ABCC1: variants seen among roughly 807,000 people sequenced by gnomAD.
ABCC1 encodes the protein ATP binding cassette subfamily C member 1 (ABCC1 blood group), also known as multidrug resistance-associated protein 1.
In ABCC1, 83 loss-of-function variants were observed where a neutral mutation model predicts 172.9. The ratio of observed to expected loss-of-function variants is 0.48; its 90% CI spans 0.40 to 0.58. ABCC1 has a LOEUF of 0.58. Among genes scored for constraint, ABCC1 ranks in the 20% least tolerant of loss-of-function variants. The pLI, the probability that ABCC1 is intolerant of heterozygous loss-of-function variation, is 0.00. For missense variants in ABCC1, 1,817 were observed against 2,002.7 expected (o/e 0.91, Z 1.77); for synonymous variants, 937 against 825.2 (o/e 1.14, Z -2.32).
chr16:15,964,174 C>G (rs1254724261), intron 1 of ABCC1, among the ~76,000 whole-genome samples: 1 of 152,262 alleles, frequency 6.6e-6, no homozygotes, highest in Non-Finnish European at 1.5e-5. Flanking sequence ...AATTCCTGAC[C>G]TCAAGTGATC....
At chr16:16,109,000 A>C (rs901374728) in intron 21 of ABCC1, among the ~76,000 whole-genome samples, 1 of 152,124 alleles carries the variant, frequency 6.6e-6, no homozygotes, top group African/African-American at 2.4e-5. Context: ...ACTTGGCCGC[A>C]TGACAAAGCC....
chr16:16,016,547 C>T lies in ABCC1; in HGVS notation c.541C>T (p.Leu181Phe). The part of the protein sequence containing the change: ...RDITFYVYFS[L>F]LLIQLVLSCF... ...CATCACTTTCTACGTCTACTTTTCC[C>T]TCTTACTCATTCAGCTCGTCTTGTC... Residue 181 changes from leucine (L) to phenylalanine (F), a missense_variant, in exon 5 of 31, where the codon CTC becomes TTC. Around this residue, in one of 3 missense-constraint regions of ABCC1, gnomAD observed 398 missense variants for 384.2 expected, o/e 1.04. Coordinates refer to ENST00000399410, the MANE Select transcript of ABCC1 (RefSeq NM_004996.4). 6.2e-7 allele frequency: 1 copy of T among 1,614,188 alleles called. No individual in the cohort carries two copies. The highest frequency in any genetic ancestry group is 8.5e-7 in the Non-Finnish European group (1 of 1,180,022).
intron 12 of ABCC1, among the ~76,000 whole-genome samples, chr16:16,057,011 A>G (rs11862504): frequency 0.022 from 3,405 of 152,092 alleles, 132 homozygotes; most frequent in African/African-American, 0.076. Flanking sequence ...CTCATAGGCC[A>G]CATGTCAAGT....
intron 14 of ABCC1, among the ~76,000 whole-genome samples, chr16:16,074,743 C>T (rs1014331917): frequency 9.8e-5 from 15 of 152,318 alleles, no homozygotes; most frequent in Non-Finnish European, 1.6e-4. Flanking sequence ...CCTCATTCCA[C>T]GTCCACTCGT....
At chr16:16,071,198 C>T (rs1313566705) in intron 13 of ABCC1, among the ~76,000 whole-genome samples, 1 of 152,066 alleles carries the variant, frequency 6.6e-6, no homozygotes, top group Non-Finnish European at 1.5e-5. Context: ...GATTCTTCTG[C>T]CTCAGCCTCC....
chr16:15,979,324 A>T (rs6498593), intron 1 of ABCC1, among the ~76,000 whole-genome samples: 27,180 of 151,598 alleles, frequency 0.18, 2,987 homozygotes, highest in African/African-American at 0.3. Flanking sequence ...AAAAAACAAA[A>T]TTTTTTTTCC....
chr16:15,962,834 C>T (rs1053666921), intron 1 of ABCC1, among the ~76,000 whole-genome samples: 18 of 152,156 alleles, frequency 1.2e-4, no homozygotes, highest in East Asian at 7.7e-4. Flanking sequence ...GACACAGAGC[C>T]GTGCCATATC....
intron 29 of ABCC1, among the ~76,000 whole-genome samples, chr16:16,137,329 C>A (rs1303780062): frequency 6.6e-6 from 1 of 152,040 alleles, no homozygotes; most frequent in Non-Finnish European, 1.5e-5. Flanking sequence ...AGGGTATGTT[C>A]CGTGCATCCC....
chr16:16,073,720 G>A (rs138480678), intron 14 of ABCC1, among the ~76,000 whole-genome samples: 4 of 152,284 alleles, frequency 2.6e-5, no homozygotes, highest in Non-Finnish European at 5.9e-5. Context: ...TCATGCCACT[G>A]TACTCCAGCC....
intron 9 of ABCC1, among the ~76,000 whole-genome samples, chr16:16,046,792 A>G (rs545387864): frequency 6.7e-6 from 1 of 148,356 alleles, no homozygotes; most frequent in South Asian, 2.1e-4. Context: ...TCTCGAGGTC[A>G]AGGAAACTGC....
intron 10 of ABCC1, among the ~76,000 whole-genome samples, chr16:16,049,784 A>C (rs1181190136): frequency 1.3e-5 from 2 of 152,098 alleles, no homozygotes; most frequent in Non-Finnish European, 2.9e-5. Context: ...CCCAGCTTCA[A>C]GCAATTCTCC....
intron 3 of ABCC1, among the ~76,000 whole-genome samples, chr16:16,011,935 C>A (rs900521279): frequency 6.6e-6 from 1 of 152,028 alleles, no homozygotes; most frequent in African/African-American, 2.4e-5. Flanking sequence ...CCCCAAAGTG[C>A]TGGGATTACA....
chr16:16,014,419 C>T lies in ABCC1; in HGVS notation c.352-72C>T, dbSNP rs551714852. On this transcript the variant is annotated intron_variant, in intron 3 of 30. Transcript: ENST00000399410. The stretch of plus-strand genomic sequence containing the variant: ...CTGAGATTGCACCACTGCGCTCCAG[C>T]CTGGGTGACAAGAGTGAAACTCTGT... 14 of 1,553,064 alleles carry T rather than the reference C, an allele frequency of 9.0e-6. No individual in the cohort carries two copies. In the African/African-American group the frequency reaches 1.6e-4, roughly 18 times the overall value.
At chr16:16,098,981 G>T (rs980765595) in intron 19 of ABCC1, 13 of 1,232,226 alleles carry the variant, frequency 1.1e-5, no homozygotes, top group Non-Finnish European at 1.4e-5. Flanking sequence ...CTGCATGTCT[G>T]GGGAGGTGCC....
intron 27 of ABCC1, among the ~76,000 whole-genome samples, chr16:16,133,831 A>C (rs989154910): frequency 1.3e-5 from 2 of 152,174 alleles, no homozygotes; most frequent in African/African-American, 4.8e-5. Flanking sequence ...GGAGAACTGG[A>C]GGTCAGGAAC....
At chr16:16,007,215 TG>T (rs1164951039) in intron 1 of ABCC1, among the ~76,000 whole-genome samples, 1 of 32,266 alleles carries the variant, frequency 3.1e-5, no homozygotes, top group Non-Finnish European at 9.5e-5. Context: ...TATGCACTGT[TG>T]TGTGTGTGTG....
At chr16:16,008,275 G>A (rs1346011720) in intron 2 of ABCC1, among the ~76,000 whole-genome samples, 1 of 151,938 alleles carries the variant, frequency 6.6e-6, no homozygotes, top group East Asian at 1.9e-4. Context: ...TGTTCTCAAG[G>A]CATTCCTGGG....
At chr16:16,010,264 A>G (rs4780587) in intron 3 of ABCC1, among the ~76,000 whole-genome samples, 9,688 of 151,912 alleles carry the variant, frequency 0.064, 419 homozygotes, top group Non-Finnish European at 0.091. Context: ...TGTGTTGTCT[A>G]GGCTGGTCTT....
intron 8 of ABCC1, among the ~76,000 whole-genome samples, 188 bp from the exon 9 acceptor site, chr16:16,045,648 T>A (rs2049175112): frequency 6.6e-6 from 1 of 152,148 alleles, no homozygotes; most frequent in Non-Finnish European, 1.5e-5. Context: ...GAGGCCTCTT[T>A]TATGAGCAGT....
Sources: allele counts gnomAD v4.1 joint callset (sites outside exome capture counted in the v4.1 genomes callset), GRCh38; gene constraint gnomAD v4.1.1; regional missense constraint gnomAD v4.1.1; transcripts MANE v1.5; gene names NCBI Gene and HGNC (gene_info 2026-07-23, HGNC 2026-07-21).